Variants in LNPEP observed in about 807,000 individuals in gnomAD.
LNPEP encodes leucyl and cystinyl aminopeptidase.
LNPEP carries 64 observed loss-of-function variants against 120.6 expected under a neutral mutation model. The ratio of observed to expected loss-of-function variants is 0.53; its 90% CI spans 0.43 to 0.65. LNPEP has a LOEUF of 0.65. Among genes scored for constraint, LNPEP ranks in the 30% least tolerant of loss-of-function variants. The pLI is 0.00. For synonymous variants in LNPEP, 435 were observed against 425.4 expected (o/e 1.02, Z -0.28); for missense variants, 1,057 against 1,200.0 (o/e 0.88, Z 1.76).
chr5:96,951,347 C>T (rs963566632), intron 1 of LNPEP, among the ~76,000 whole-genome samples: 1 of 152,150 alleles, frequency 6.6e-6, no homozygotes, highest in African/African-American at 2.4e-5. Flanking sequence ...CAAGCTCCGC[C>T]TCCCGGGTTC....
chr5:96,957,601 C>T (rs545528567), intron 1 of LNPEP, among the ~76,000 whole-genome samples: 2 of 152,040 alleles, frequency 1.3e-5, no homozygotes, highest in Non-Finnish European at 2.9e-5. Context: ...AAAGATTCAG[C>T]CTGCACTTGT....
rs1027686786 is a variant in LNPEP at position 97,015,185 on chromosome 5, C to G, written c.2376+90C>G. The G allele has an allele frequency of 3.7e-6, 3 of 805,504 alleles. No individual in the cohort carries two copies. In the African/African-American group the frequency reaches 5.3e-5, roughly 14 times the overall value. The allele number at this position is 805,504 out of a possible 1,614,324, so 49.9% of individuals were successfully genotyped here. ...TTCAGCCAGTAATAGGCTGAAAAAG[C>G]AACCAGTTAAATTCCATTTTCTTCA... On this transcript the variant is annotated intron_variant, in intron 13 of 17. Transcript: ENST00000231368.
chr5:97,018,697 A>G (rs1791120457), intron 13 of LNPEP, among the ~76,000 whole-genome samples: 1 of 152,242 alleles, frequency 6.6e-6, no homozygotes, highest in Admixed American at 6.5e-5. Flanking sequence ...GGAGACATTT[A>G]TGAATCCTTG....
chr5:96,954,545 T>C (rs973115569), intron 1 of LNPEP, among the ~76,000 whole-genome samples: 2 of 150,426 alleles, frequency 1.3e-5, no homozygotes, highest in African/African-American at 4.9e-5. Flanking sequence ...TTTGTATAAT[T>C]AAAATCAGAG....
At chr5:96,952,302 T>C (rs977747789) in intron 1 of LNPEP, among the ~76,000 whole-genome samples, 19 of 152,218 alleles carry the variant, frequency 1.2e-4, no homozygotes, top group African/African-American at 4.3e-4. Flanking sequence ...TCATGTAGCC[T>C]GTGGAAAACT....
Position 97,030,037 on chromosome 5 carries a change from ACAGT to A in LNPEP, c.*1505_*1508del, listed in dbSNP as rs1238612555. ...CACTTAAAACACTCCACAGAGTCAG[ACAGT>A]GGGAAAGGTCACCCTTTTTTTATTC... On this transcript the variant is annotated 3_prime_UTR_variant, in exon 18 of 18. Transcript: ENST00000231368. 3 of 152,292 alleles carry A rather than the reference ACAGT, an allele frequency of 2.0e-5. No homozygotes were observed. The highest frequency in any genetic ancestry group is 7.2e-5 in the African/African-American group (3 of 41,584). The allele number at this position is 152,292 out of a possible 1,614,324, so 9.4% of individuals were successfully genotyped here. A position where few individuals can be genotyped will look rare whatever the true frequency, so the allele number is the denominator to read the frequency against.
In LNPEP at chr5:96,979,531, A is replaced by G. The variant is rs1441341154; in HGVS notation, c.413A>G (p.Lys138Arg). ...IYLLPRCTFT[K>R]EGCHKKNQSI... ...TTACTGCCCAGATGTACCTTTACCA[A>G]AGAAGGCTGCCATAAAAAAAACCAG... is the stretch of plus-strand genomic sequence containing the variant. Residue 138 changes from lysine (K) to arginine (R), a missense_variant, in exon 2 of 18, where the codon AAA (lysine) becomes AGA (arginine). By Grantham distance (26) the Lys-to-Arg change is conservative. Coordinates refer to ENST00000231368, the MANE Select transcript of LNPEP (RefSeq NM_005575.3). 2 of 1,614,034 alleles carry G rather than the reference A, an allele frequency of 1.2e-6. No individual in the cohort carries two copies.
At chr5:96,995,560 A>G (rs903600396) in intron 6 of LNPEP, among the ~76,000 whole-genome samples, 1 of 150,662 alleles carries the variant, frequency 6.6e-6, no homozygotes, top group African/African-American at 2.4e-5. Flanking sequence ...ACAAGATCTC[A>G]CTCTGTCACC....
At chr5:96,942,880 AT>A (rs142133391) in intron 1 of LNPEP, 2,334 of 153,196 alleles carry the variant, frequency 0.015, 49 homozygotes, top group South Asian at 0.088. Context: ...TAATAAAAAA[AT>A]AAATAAATAA....
rs867989473 is a variant in LNPEP, at chr5:97,027,599, C to T, written c.2865-134C>T. 55 of 620,550 alleles carry T rather than the reference C, an allele frequency of 8.9e-5. 1 individual carries two copies. In the Middle Eastern group the frequency reaches 6.5e-3, roughly 73 times the overall value. 38.4% of individuals were successfully genotyped at this position (620,550 alleles called of 1,614,324 possible). A position where few individuals can be genotyped will look rare whatever the true frequency, so the allele number is the denominator to read the frequency against. On this transcript the variant is annotated intron_variant, in intron 16 of 17. Coordinates refer to ENST00000231368, the MANE Select transcript of LNPEP (RefSeq NM_005575.3). ...ACAATAAGTATGCATAGGGCTACCC[C>T]GGTTTCCTCAGTTGCAGTTCCGGGA...
intron 9 of LNPEP, among the ~76,000 whole-genome samples, chr5:97,004,124 C>T (rs1294338120): frequency 6.6e-6 from 1 of 152,202 alleles, no homozygotes; most frequent in African/African-American, 2.4e-5. Context: ...AGCACATGAA[C>T]CCGGGCTGCT....
At chr5:96,936,938 CG>C (rs1369457001) in intron 1 of LNPEP, 3 of 152,230 alleles carry the variant, frequency 2.0e-5, no homozygotes, top group African/African-American at 7.2e-5. Context: ...CTTCACTGAA[CG>C]GGGAGCATAA....
At chr5:96,959,307 T>C (rs903498777) in intron 1 of LNPEP, among the ~76,000 whole-genome samples, 4 of 152,206 alleles carry the variant, frequency 2.6e-5, no homozygotes, top group Admixed American at 2.0e-4. Context: ...GGCTGCTGTA[T>C]GTAGAAGTAA....
In LNPEP at chr5:97,030,618, C is replaced by CTGTGTGTG. The variant is rs1358817096; in HGVS notation, c.*2086_*2087insGTGTGTGT. ...ATCATTTCTCTCCCTCTCTCTCTCT[C>CTGTGTGTG]TCTGTGTGTGTGTGTGTGTGTGTGT... On this transcript the variant is annotated 3_prime_UTR_variant, in exon 18 of 18. Transcript: ENST00000231368. 40 of 68,554 alleles carry CTGTGTGTG rather than the reference C, an allele frequency of 5.8e-4. No homozygotes were observed. Among genetic ancestry groups the CTGTGTGTG allele is most frequent in the Non-Finnish European group, 1.1e-3 (34 of 29,878 alleles). The allele number at this position is 68,554 out of a possible 1,614,324, so 4.2% of individuals were successfully genotyped here.
intron 1 of LNPEP, among the ~76,000 whole-genome samples, chr5:96,949,548 A>C (rs889683881): frequency 1.3e-5 from 2 of 152,162 alleles, no homozygotes; most frequent in Non-Finnish European, 2.9e-5. Flanking sequence ...CCTGGTTCCA[A>C]AAAGGTTGGG....
In LNPEP at chr5:97,008,354, T is replaced by G. The variant is rs1363723119; in HGVS notation, c.2035+1839T>G. On this transcript the variant is annotated intron_variant, in intron 11 of 17. Transcript: ENST00000231368. ...TTTTTCTTGTTTTTTTTTTTTTTTT[T>G]TTTTTTTTTTTTTTGAGTTGGAGTC... 3.3e-4 allele frequency among the ~76,000 whole-genome samples: 41 copies of G among 123,132 alleles called. No individual in the cohort carries two copies. In the East Asian group the frequency reaches 7.8e-3, roughly 24 times the overall value. 80.8% of individuals were successfully genotyped at this position (123,132 alleles called of 152,430 possible).
At chr5:96,954,886 C>T (rs1789426193) in intron 1 of LNPEP, among the ~76,000 whole-genome samples, 1 of 141,766 alleles carries the variant, frequency 7.1e-6, no homozygotes, top group African/African-American at 2.6e-5. Flanking sequence ...GGGTTCATGC[C>T]ATTCTCCTGC....
rs532616794 is a variant in LNPEP at position 97,034,337 on chromosome 5, T to C, written c.*5804T>C. ...CATTCTATGAAAAAATCTCCCCTTC[T>C]CCCCTTCCCTTATTGCCTGTCTTGG... On this transcript the variant is annotated 3_prime_UTR_variant, in exon 18 of 18. Transcript: ENST00000231368. 5.3e-5 allele frequency: 8 copies of C among 152,242 alleles called. No homozygotes were observed. Among genetic ancestry groups the C allele is most frequent in the African/African-American group, 1.9e-4 (8 of 41,546 alleles). 9.4% of individuals were successfully genotyped at this position (152,242 alleles called of 1,614,324 possible).
At position 97,007,535 on chromosome 5, in the gene LNPEP, T is replaced by C. The variant is rs148143301; in HGVS notation, c.2035+1020T>C. Among the ~76,000 whole-genome samples, 1,090 of 152,334 alleles carry C rather than the reference T, an allele frequency of 7.2e-3. 15 individuals carry two copies. The highest frequency in any genetic ancestry group is 0.025 in the African/African-American group (1,036 of 41,570). On this transcript the variant is annotated intron_variant, in intron 11 of 17. Transcript: ENST00000231368. ...ACTATCATTAACGTTATTGAAAAAG[T>C]AAATCTTTAATATATCTATATTACA...
Sources: gnomAD v4.1 joint callset for allele counts (sites outside exome capture counted in the v4.1 genomes callset) on GRCh38, gnomAD v4.1.1 for gene constraint, MANE v1.5 for transcripts, NCBI Gene and HGNC (gene_info 2026-07-23, HGNC 2026-07-21) for gene names.